Variants in USP34 observed in about 807,000 individuals in gnomAD.
USP34 encodes ubiquitin carboxyl-terminal hydrolase 34.
USP34 carries 70 observed loss-of-function variants against 460.3 expected under a neutral mutation model. The ratio of observed to expected loss-of-function variants is 0.15; its 90% confidence interval spans 0.13 to 0.19. The LOEUF (loss-of-function observed/expected upper bound fraction) is 0.19, where lower values mean the gene tolerates loss of function less well. USP34 is among the 10% of genes least tolerant of loss of function. The pLI is 1.00. For synonymous variants in USP34, 1,647 were observed against 1,405.3 expected (o/e 1.17, Z -3.85); for missense variants, 3,985 against 4,236.2 (o/e 0.94, Z 1.65).
At chr2:61,450,994 C>T (rs930920256) in intron 1 of USP34, among the ~76,000 whole-genome samples, 4 of 151,016 alleles carry the variant, frequency 2.6e-5, no homozygotes, top group Admixed American at 1.3e-4. Flanking sequence ...CCAAGGCAGG[C>T]GGATCACGAG....
chr2:61,238,350 CCCG>C (rs2103850564), intron 53 of USP34, among the ~76,000 whole-genome samples: 1 of 152,264 alleles, frequency 6.6e-6, no homozygotes, highest in African/African-American at 2.4e-5. Context: ...TTTTGCCTGG[CCCG>C]AAGCATTCTT....
intron 8 of USP34, among the ~76,000 whole-genome samples, chr2:61,374,544 T>C (rs997141323): frequency 1.3e-5 from 2 of 152,116 alleles, no homozygotes; most frequent in Non-Finnish European, 2.9e-5. Context: ...ACTCTCATCT[T>C]GCTTCAGAGC....
chr2:61,427,963 G>T (rs1694559554), intron 1 of USP34, among the ~76,000 whole-genome samples: 1 of 152,032 alleles, frequency 6.6e-6, no homozygotes, highest in African/African-American at 2.4e-5. Flanking sequence ...AGGAGTTTGA[G>T]ACCAGCCTGG....
chr2:61,329,524 C>T (rs73936119), intron 20 of USP34, among the ~76,000 whole-genome samples: 1,954 of 152,014 alleles, frequency 0.013, 43 homozygotes, highest in African/African-American at 0.045. Flanking sequence ...AATAGAAATA[C>T]CCCAGAAATA....
chr2:61,402,286 G>T (rs1174320014), intron 3 of USP34, among the ~76,000 whole-genome samples: 1 of 151,750 alleles, frequency 6.6e-6, no homozygotes, highest in Non-Finnish European at 1.5e-5. Context: ...TCTCTTAAGG[G>T]GAAAAAAATT....
intron 67 of USP34, among the ~76,000 whole-genome samples, chr2:61,219,060 G>A (rs1361947143): frequency 6.6e-6 from 1 of 152,114 alleles, no homozygotes; most frequent in Non-Finnish European, 1.5e-5. Flanking sequence ...TGGGAGATTT[G>A]TTTACTCTCC....
chr2:61,273,103 A>C (rs1420380703), intron 41 of USP34, among the ~76,000 whole-genome samples: 2 of 152,216 alleles, frequency 1.3e-5, no homozygotes, highest in African/African-American at 2.4e-5. Context: ...CAATGATTCC[A>C]TATCAACATA....
At chr2:61,344,638 G>C (rs1330117936) in intron 15 of USP34, among the ~76,000 whole-genome samples, 2 of 152,228 alleles carry the variant, frequency 1.3e-5, no homozygotes, top group East Asian at 3.8e-4. Context: ...ATTAGGTCTT[G>C]TGAGGTATGG....
In USP34 at chr2:61,265,469, A is replaced by G; in HGVS notation, c.5706T>C (p.Thr1902=). 2 of 1,613,726 alleles carry G rather than the reference A, an allele frequency of 1.2e-6. No individual in the cohort carries two copies. The highest frequency in any genetic ancestry group is 1.7e-6 in the Non-Finnish European group (2 of 1,179,876). ...RFVGLTNLGA[T]CYLASTIQQL... ...GCTGAATAGTAGAAGCTAAGTAACA[A>G]GTAGCTCCAAGGTTAGTAAGGCCAA... The change falls in exon 43 of 80, where the codon ACT becomes ACC. Residue 1902 remains threonine, a synonymous_variant. Coordinates refer to ENST00000398571, the MANE Select transcript of USP34 (RefSeq NM_014709.4).
chr2:61,298,935 T>G (rs147259675), intron 29 of USP34, among the ~76,000 whole-genome samples: 136 of 152,272 alleles, frequency 8.9e-4, no homozygotes, highest in African/African-American at 3.1e-3. Flanking sequence ...CTCTTCACTC[T>G]TAACAGTAGC....
At chr2:61,389,042 A>G (rs543160785) in intron 5 of USP34, among the ~76,000 whole-genome samples, 1 of 152,336 alleles carries the variant, frequency 6.6e-6, no homozygotes, top group Non-Finnish European at 1.5e-5. Context: ...AATGCATAGT[A>G]TGTGATTCCA....
chr2:61,350,764 C>T (rs963163139), intron 10 of USP34, 71 bp from the exon 11 acceptor site: 18 of 1,499,852 alleles, frequency 1.2e-5, no homozygotes, highest in African/African-American at 2.8e-5. Flanking sequence ...GATATAAAAA[C>T]AGTTTGAAAG....
intron 19 of USP34, 39 bp downstream of exon 19, chr2:61,333,843 A>T (rs761145502): frequency 7.3e-7 from 1 of 1,373,450 alleles, no homozygotes; most frequent in South Asian, 1.5e-5. Flanking sequence ...ATTAGAAAAA[A>T]ATCTTTAAAA....
At chr2:61,374,146 A>T (rs1411028144) in intron 8 of USP34, among the ~76,000 whole-genome samples, 1 of 142,804 alleles carries the variant, frequency 7.0e-6, no homozygotes, top group African/African-American at 2.7e-5. Flanking sequence ...ATAGAGCGAG[A>T]CTCCATCTCA....
intron 1 of USP34, among the ~76,000 whole-genome samples, chr2:61,445,263 C>T (rs1419817687): frequency 1.3e-4 from 20 of 149,942 alleles, no homozygotes; most frequent in Admixed American, 4.0e-4. Context: ...TGGCCGGGCC[C>T]GGTGGCTCAC....
rs1419763036 is a variant in USP34 at position 61,383,252 on chromosome 2, A to C, written c.821+17T>G. ...ATTACACTGATAATCGGGGGTAAAG[A>C]AATTTTATAAACTTACCTAATAACA... On this transcript the variant is annotated intron_variant, in intron 6 of 79. Coordinates refer to ENST00000398571, the MANE Select transcript of USP34 (RefSeq NM_014709.4). 6.4e-7 allele frequency: 1 copy of C among 1,573,010 alleles called. No individual in the cohort carries two copies. The highest frequency in any genetic ancestry group is 1.4e-5 in the African/African-American group (1 of 73,000).
chr2:61,469,577 G>A (rs551004570), intron 1 of USP34, among the ~76,000 whole-genome samples: 1 of 152,162 alleles, frequency 6.6e-6, no homozygotes, highest in Non-Finnish European at 1.5e-5. Flanking sequence ...GGTCATTAAA[G>A]TGACAGTCAA....
At position 61,204,616 on chromosome 2, in the gene USP34, A is replaced by C. The variant is rs548107883; in HGVS notation, c.9155-15T>G. On this transcript the variant is annotated splice_polypyrimidine_tract_variant and intron_variant, in intron 72 of 79. Transcript: ENST00000398571. Reference sequence around the variant, plus strand: ...CTTGAGGACATCTGAAAATAAAAACAAAGTTTGGGTAGCAAAAAATTAAGA... The same window carrying C: ...CTTGAGGACATCTGAAAATAAAAACCAAGTTTGGGTAGCAAAAAATTAAGA... 6.2e-7 allele frequency: 1 copy of C among 1,605,832 alleles called. No homozygotes were observed. The highest frequency in any genetic ancestry group is 1.3e-5 in the African/African-American group (1 of 74,600).
At chr2:61,435,565 T>A (rs1694790540) in intron 1 of USP34, among the ~76,000 whole-genome samples, 1 of 151,958 alleles carries the variant, frequency 6.6e-6, no homozygotes, top group South Asian at 2.1e-4. Flanking sequence ...GAAATACTCA[T>A]CAGTAGATTG....
Sources: gnomAD v4.1 joint callset for allele counts (sites outside exome capture counted in the v4.1 genomes callset) on GRCh38, gnomAD v4.1.1 for gene constraint, MANE v1.5 for transcripts, NCBI Gene and HGNC (gene_info 2026-07-23, HGNC 2026-07-21) for gene names.